The following PRKACA variants were observed in gnomAD, a reference collection of about 807,000 sequenced individuals.
PRKACA encodes the protein protein kinase cAMP-activated catalytic subunit alpha.
A neutral mutation model predicts 45.8 loss-of-function variants in PRKACA; 9 were observed. That is an observed-to-expected ratio of 0.20 (90% CI 0.12 to 0.34). The LOEUF (loss-of-function observed/expected upper bound fraction) is 0.34, where lower values mean the gene tolerates loss of function less well. PRKACA is among the 10% of genes least tolerant of loss of function. The probability of loss-of-function intolerance (pLI) is 1.00; values close to 1 mark genes in which losing one functional copy is unlikely to be tolerated. For missense variants in PRKACA, 238 were observed against 458.6 expected, an observed-to-expected ratio of 0.52 and a Z score of 4.39; for synonymous variants, 160 against 178.6, an observed-to-expected ratio of 0.90 and a Z score of 0.83.
intron 1 of PRKACA, chr19:14,115,162 C>T (rs1344839137): frequency 4.4e-5 from 42 of 956,300 alleles, no homozygotes; most frequent in Non-Finnish European, 4.9e-5. Context: ...GACATAGTCC[C>T]ATTGGCAGAA....
chr19:14,115,250 T>A (rs1967083862), intron 1 of PRKACA: 1 of 329,460 alleles, frequency 3.0e-6, no homozygotes, highest in Middle Eastern at 1.5e-3. Context: ...ATAACTGGCA[T>A]GGCAATCCCA....
chr19:14,109,966 ATATAT>A (rs1332897992), intron 1 of PRKACA, among the ~76,000 whole-genome samples: 51 of 24,566 alleles, frequency 2.1e-3, no homozygotes, highest in African/African-American at 5.6e-3. Context: ...AAAAAAAAAA[ATATAT>A]ATATATATAT....
At position 14,102,924 on chromosome 19, in the gene PRKACA, G is replaced by A. The variant is rs766390967; in HGVS notation, c.238-10C>T. ...GTTTCAGTTTCACCACCTGGGAAGGGAAGGAGGGGAGGGCAGAAAGGAGGG... is the reference window on the plus strand; with the variant it reads ...GTTTCAGTTTCACCACCTGGGAAGGAAAGGAGGGGAGGGCAGAAAGGAGGG... On this transcript the variant is annotated splice_polypyrimidine_tract_variant and intron_variant, in intron 3 of 9. Coordinates refer to ENST00000308677, the MANE Select transcript of PRKACA (RefSeq NM_002730.4). The A allele has an allele frequency of 6.2e-7, 1 of 1,607,252 alleles. No homozygotes were observed. Among genetic ancestry groups the A allele is most frequent in the South Asian group, 1.1e-5 (1 of 90,928 alleles).
At chr19:14,116,789 C>T (rs8100819) in intron 1 of PRKACA, among the ~76,000 whole-genome samples, 1 of 151,920 alleles carries the variant, frequency 6.6e-6, no homozygotes, top group Admixed American at 6.6e-5. Flanking sequence ...CAGCCAGGGA[C>T]AGACGCTTGC....
In PRKACA at chr19:14,097,733, A is replaced by G. The variant is rs200896470; in HGVS notation, c.546+31T>C. ...GAAGGGTCCAGGCCACGGCTTCCCC[A>G]GGGCTGCCCCTCGCCCGGCCTGGTG... On this transcript the variant is annotated intron_variant, in intron 6 of 9. Transcript: ENST00000308677. The surrounding 1 kb of genome is among the most constrained non-coding windows in gnomAD (Gnocchi z 5.4). 9.9e-6 allele frequency: 16 copies of G among 1,613,898 alleles called. No individual in the cohort carries two copies. The highest frequency in any genetic ancestry group is 6.7e-5 in the African/African-American group (5 of 74,934).
At chr19:14,100,756 G>A (rs1449503091) in intron 5 of PRKACA, 70 bp downstream of exon 5, 3 of 1,482,816 alleles carry the variant, frequency 2.0e-6, no homozygotes, top group East Asian at 2.3e-5. Context: ...GCATTCCCAG[G>A]GGGCTTGGTC....
intron 1 of PRKACA, among the ~76,000 whole-genome samples, chr19:14,115,358 G>T (rs1484194055): frequency 6.6e-6 from 1 of 152,194 alleles, no homozygotes; most frequent in Non-Finnish European, 1.5e-5. Context: ...AAATATGATA[G>T]AGTAAAAATC....
rs932853720 is a variant in PRKACA at position 14,093,251 on chromosome 19, A to G, written c.931-14T>C. 1 of 1,610,506 alleles carries G rather than the reference A, an allele frequency of 6.2e-7. No homozygotes were observed. Among genetic ancestry groups the G allele is most frequent in the Non-Finnish European group, 8.5e-7 (1 of 1,178,786 alleles). On this transcript the variant is annotated splice_polypyrimidine_tract_variant and intron_variant, in intron 9 of 9. Transcript: ENST00000308677. ...GGGAGCTTCCACCTGGAGAGGGATC[A>G]AGAATCACCCAGACCTCAGCATTCA...
chr19:14,108,210 G>A, intron 1 of PRKACA: 1 of 953,506 alleles, frequency 1.0e-6, no homozygotes, highest in Non-Finnish European at 1.2e-6. Flanking sequence ...GCCCAGCCTG[G>A]TCTCTGATGA....
At chr19:14,115,660 G>A (rs1401036168) in intron 1 of PRKACA, among the ~76,000 whole-genome samples, 1 of 152,178 alleles carries the variant, frequency 6.6e-6, no homozygotes, top group African/African-American at 2.4e-5. Context: ...TGTGCTCTGA[G>A]AGAATCAGTG....
rs930679323 is a variant in PRKACA at position 14,092,360 on chromosome 19, A to C, written c.*752T>G. 3 of 337,910 alleles carry C rather than the reference A, an allele frequency of 8.9e-6. No individual in the cohort carries two copies. The highest frequency in any genetic ancestry group is 1.6e-5 in the Non-Finnish European group (3 of 187,202). The allele number at this position is 337,910 out of a possible 1,614,324, so 20.9% of individuals were successfully genotyped here. ...GAGCGGAGGCTTCCTAAAGGGGCCT[A>C]GACCCTCGCAGGATTGGCAGAGAGG... On this transcript the variant is annotated 3_prime_UTR_variant, in exon 10 of 10. Coordinates refer to ENST00000308677, the MANE Select transcript of PRKACA (RefSeq NM_002730.4).
chr19:14,110,030 C>T (rs1263728588), intron 1 of PRKACA, among the ~76,000 whole-genome samples: 24 of 125,050 alleles, frequency 1.9e-4, no homozygotes, highest in Non-Finnish European at 3.6e-4. Context: ...ATAGGGAGAG[C>T]CGGGAACGGT....
chr19:14,108,808 AC>A (rs1391270021), intron 1 of PRKACA, among the ~76,000 whole-genome samples: 1 of 146,644 alleles, frequency 6.8e-6, no homozygotes, highest in Non-Finnish European at 1.5e-5. Flanking sequence ...GCTCACTGCA[AC>A]CTCCGCCTCC....
At chr19:14,099,158 G>A (rs1347457056) in intron 5 of PRKACA, among the ~76,000 whole-genome samples, 1 of 152,006 alleles carries the variant, frequency 6.6e-6, no homozygotes, top group Non-Finnish European at 1.5e-5. Flanking sequence ...CAGGCAAGGG[G>A]GCATGCACCT....
intron 3 of PRKACA, 108 bp from the exon 4 acceptor site, chr19:14,103,022 C>A: frequency 2.3e-6 from 2 of 886,780 alleles, no homozygotes; most frequent in Admixed American, 1.9e-5. Context: ...TTCCTTCAGC[C>A]AGAATCATTT....
intron 1 of PRKACA, among the ~76,000 whole-genome samples, chr19:14,109,107 G>T (rs980458130): frequency 6.6e-6 from 1 of 151,474 alleles, no homozygotes; most frequent in Non-Finnish European, 1.5e-5. Flanking sequence ...CCAGCACTCT[G>T]GGAGGCCAAG....
At chr19:14,109,997 TATACACACACAC>T (rs1374690431) in intron 1 of PRKACA, among the ~76,000 whole-genome samples, 5 of 71,742 alleles carry the variant, frequency 7.0e-5, no homozygotes, top group Admixed American at 1.7e-4. Context: ...TATATATATA[TATACACACACAC>T]ACACACACAC....
In PRKACA at chr19:14,107,489, TG is replaced by T; in HGVS notation, c.47-81del. On this transcript the variant is annotated intron_variant, in intron 1 of 9. Transcript: ENST00000308677. ...TTCAGGTGATTTCTGGGGAGATACT[TG>T]GTGGAAAGTGGGGTGCAGTTCCAAC... The T allele has an allele frequency of 2.0e-6, 3 of 1,496,142 alleles. No homozygotes were observed. The South Asian group carries it at 3.5e-5, about 17-fold the overall frequency. The allele number at this position is 1,496,142 out of a possible 1,614,324, so 92.7% of individuals were successfully genotyped here. A position where few individuals can be genotyped will look rare whatever the true frequency, so the allele number is the denominator to read the frequency against.
Position 14,094,185 on chromosome 19 carries a change from G to GAAAA in PRKACA, c.766-397_766-394dup, listed in dbSNP as rs940405502. Among the ~76,000 whole-genome samples, 371 of 58,936 alleles carry GAAAA rather than the reference G, an allele frequency of 6.3e-3. 6 individuals are homozygous for GAAAA. Among genetic ancestry groups the GAAAA allele is most frequent in the Non-Finnish European group, 0.01 (327 of 31,392 alleles). 38.7% of individuals were successfully genotyped at this position (58,936 alleles called of 152,430 possible). Reference sequence around the variant, plus strand: ...AGCAAGAATCTGCATTTCTTTTTTTGAAAAAAAAAAAAAAAAAAAAAAAAA... The same window carrying GAAAA: ...AGCAAGAATCTGCATTTCTTTTTTTGAAAAAAAAAAAAAAAAAAAAAAAAAAAAA... On this transcript the variant is annotated intron_variant, in intron 8 of 9. Coordinates refer to ENST00000308677, the MANE Select transcript of PRKACA (RefSeq NM_002730.4).
Sources: allele counts gnomAD v4.1 joint callset (sites outside exome capture counted in the v4.1 genomes callset), GRCh38; gene constraint gnomAD v4.1.1; non-coding constraint Gnocchi (gnomAD v3.1); transcripts MANE v1.5; gene names NCBI Gene and HGNC (gene_info 2026-07-23, HGNC 2026-07-21).